Variants in FAM193A observed in about 807,000 individuals in gnomAD.
FAM193A encodes the protein family with sequence similarity 193 member A, also known as protein FAM193A.
A neutral mutation model predicts 126.5 loss-of-function variants in FAM193A; 22 were observed. The ratio of observed to expected loss-of-function variants is 0.17; its 90% confidence interval spans 0.12 to 0.25. FAM193A has a LOEUF of 0.25. Among genes scored for constraint, FAM193A ranks in the 10% least tolerant of loss-of-function variants. The pLI, the probability that FAM193A is intolerant of heterozygous loss-of-function variation, is 1.00. For synonymous variants in FAM193A, 761 were observed against 646.8 expected (o/e 1.18, Z -2.68); for missense variants, 1,675 against 1,672.8 (o/e 1.00, Z -0.02).
At chr4:2,607,349 C>T (rs563704269) in intron 2 of FAM193A, among the ~76,000 whole-genome samples, 7 of 152,336 alleles carry the variant, frequency 4.6e-5, no homozygotes, top group African/African-American at 7.2e-5. Flanking sequence ...TGGTGTTTCA[C>T]TCTTTTCCCC....
chr4:2,552,008 A>ATTTTTTTTT (rs71178476), intron 1 of FAM193A, among the ~76,000 whole-genome samples: 1 of 111,732 alleles, frequency 8.9e-6, no homozygotes, highest in Non-Finnish European at 1.7e-5. Flanking sequence ...GTCTGGGTAA[A>ATTTTTTTTT]TTTTTTTTTT....
intron 7 of FAM193A, among the ~76,000 whole-genome samples, chr4:2,650,301 C>T (rs1322709684): frequency 1.3e-5 from 2 of 152,190 alleles, no homozygotes; most frequent in Non-Finnish European, 2.9e-5. Flanking sequence ...CTCTAGAGCA[C>T]ATCCCATGGC....
At chr4:2,653,477 C>G (rs965167521) in intron 7 of FAM193A, among the ~76,000 whole-genome samples, 1 of 152,266 alleles carries the variant, frequency 6.6e-6, no homozygotes, top group East Asian at 1.9e-4. Flanking sequence ...CAGAGTCTCT[C>G]TCTGTCACCA....
intron 6 of FAM193A, among the ~76,000 whole-genome samples, chr4:2,640,833 C>T (rs1397112497): frequency 2.0e-5 from 3 of 151,794 alleles, no homozygotes; most frequent in African/African-American, 7.3e-5. Flanking sequence ...GGCTTGGTGG[C>T]ACATACCTGT....
At position 2,703,801 on chromosome 4, in the gene FAM193A, T is replaced by TAAA. The variant is rs34569439; in HGVS notation, c.4372+3271_4372+3273dup. 3.5e-3 allele frequency among the ~76,000 whole-genome samples: 448 copies of TAAA among 129,080 alleles called. 4 individuals are homozygous for TAAA. Among genetic ancestry groups the TAAA allele is most frequent in the Admixed American group, 6.0e-3 (77 of 12,786 alleles). The allele number at this position is 129,080 out of a possible 152,430, so 84.7% of individuals were successfully genotyped here. ...CAATATAGCAAGACCCCATCTCTAC[T>TAAA]AAAAAAAAAAAAAAAAGCCACTTAT... On this transcript the variant is annotated intron_variant, in intron 19 of 20. Coordinates refer to ENST00000637812, the MANE Select transcript of FAM193A (RefSeq NM_001366318.2).
At chr4:2,613,517 G>A (rs996692440) in intron 2 of FAM193A, among the ~76,000 whole-genome samples, 1 of 150,566 alleles carries the variant, frequency 6.6e-6, no homozygotes, top group African/African-American at 2.4e-5. Context: ...GCAGTGGCGC[G>A]ATGTCGGCTC....
chr4:2,624,388 C>T (rs1217006470), intron 2 of FAM193A, among the ~76,000 whole-genome samples: 1 of 152,226 alleles, frequency 6.6e-6, no homozygotes. Context: ...AGGTGATCCG[C>T]CTGCCTCGGC....
At chr4:2,712,828 C>T (rs767849379) in intron 19 of FAM193A, among the ~76,000 whole-genome samples, 3 of 151,674 alleles carry the variant, frequency 2.0e-5, no homozygotes, top group Admixed American at 6.6e-5. Flanking sequence ...TGGGGCTGGG[C>T]GTGGTGGCTC....
At chr4:2,588,625 A>C (rs180975183) in intron 1 of FAM193A, among the ~76,000 whole-genome samples, 249 of 152,244 alleles carry the variant, frequency 1.6e-3, no homozygotes, top group African/African-American at 5.9e-3. Flanking sequence ...GCTTCAGGTC[A>C]CTTAATTTTG....
At chr4:2,613,100 T>C (rs1225331739) in intron 2 of FAM193A, among the ~76,000 whole-genome samples, 2 of 152,154 alleles carry the variant, frequency 1.3e-5, no homozygotes, top group Non-Finnish European at 2.9e-5. Context: ...ATTTTCAGCA[T>C]TGTTTTGTAG....
At chr4:2,672,086 C>G (rs1713861653) in intron 12 of FAM193A, 35 bp from the exon 13 acceptor site, 2 of 1,603,362 alleles carry the variant, frequency 1.2e-6, no homozygotes, top group Non-Finnish European at 1.7e-6. Flanking sequence ...TTTATTGTTT[C>G]ACTAAATAGG....
At chr4:2,613,753 C>CT (rs71634683) in intron 2 of FAM193A, among the ~76,000 whole-genome samples, 4,566 of 132,378 alleles carry the variant, frequency 0.034, 79 homozygotes, top group South Asian at 0.074. Flanking sequence ...CATACCTGGC[C>CT]TTTTTTTTTT....
chr4:2,582,424 A>G (rs1739997841), intron 1 of FAM193A, among the ~76,000 whole-genome samples: 1 of 152,066 alleles, frequency 6.6e-6, no homozygotes, highest in African/African-American at 2.4e-5. Flanking sequence ...CACGAGCCCC[A>G]TCGTACTTGG....
chr4:2,716,296 C>A (rs1259829365), intron 20 of FAM193A, among the ~76,000 whole-genome samples, 192 bp downstream of exon 20: 1 of 152,224 alleles, frequency 6.6e-6, no homozygotes, highest in Non-Finnish European at 1.5e-5. Flanking sequence ...TCCCAACACT[C>A]ACACAATCAC....
intron 20 of FAM193A, among the ~76,000 whole-genome samples, chr4:2,726,264 TC>T (rs779262045): frequency 9.2e-5 from 14 of 152,106 alleles, no homozygotes; most frequent in Non-Finnish European, 1.8e-4. Context: ...GGTCTCAAAC[TC>T]CTGGATTCAA....
intron 6 of FAM193A, among the ~76,000 whole-genome samples, chr4:2,641,512 G>A (rs905517754): frequency 1.3e-5 from 2 of 151,894 alleles, no homozygotes; most frequent in African/African-American, 4.8e-5. Context: ...AAAATTAGCC[G>A]GGCGTAGTGG....
At chr4:2,718,734 T>A (rs1309337677) in intron 20 of FAM193A, among the ~76,000 whole-genome samples, 1 of 151,956 alleles carries the variant, frequency 6.6e-6, no homozygotes, top group Non-Finnish European at 1.5e-5. Flanking sequence ...AAAATAAATT[T>A]TTTTTTTTAA....
At chr4:2,555,261 C>T (rs560067027) in intron 1 of FAM193A, among the ~76,000 whole-genome samples, 1 of 152,258 alleles carries the variant, frequency 6.6e-6, no homozygotes, top group South Asian at 2.1e-4. Flanking sequence ...AGTATGAGTT[C>T]AAATCATAGG....
chr4:2,686,133 A>G (rs765527695), intron 13 of FAM193A, among the ~76,000 whole-genome samples: 3 of 152,220 alleles, frequency 2.0e-5, no homozygotes, highest in African/African-American at 7.2e-5. Context: ...TGAGGTCAGT[A>G]GGCATCTTCT....
Sources: gnomAD v4.1 joint callset for allele counts (sites outside exome capture counted in the v4.1 genomes callset) on GRCh38, gnomAD v4.1.1 for gene constraint, MANE v1.5 for transcripts, NCBI Gene and HGNC (gene_info 2026-07-23, HGNC 2026-07-21) for gene names.